Variants in OR56A3 observed in about 807,000 individuals in gnomAD.
OR56A3 encodes the protein olfactory receptor 56A3.
OR56A3 carries 23 observed loss-of-function variants against 17.5 expected under a neutral mutation model. That is an observed-to-expected ratio of 1.32 (90% CI 0.95 to 1.87). The LOEUF (loss-of-function observed/expected upper bound fraction) is 1.87, where lower values mean the gene tolerates loss of function less well. OR56A3 is among the 40% of genes most tolerant of loss of function. The probability of loss-of-function intolerance (pLI) is 0.00; values close to 1 mark genes in which losing one functional copy is unlikely to be tolerated. For synonymous variants in OR56A3, 175 were observed against 150.6 expected (o/e 1.16, Z -1.19); for missense variants, 366 against 380.1 (o/e 0.96, Z 0.31).
the OR56A3 span, chr11:6,001,816 G>T: frequency 1.6e-5 from 7 of 445,222 alleles, no homozygotes; most frequent in Admixed American, 7.9e-5. Flanking sequence ...ATTAGATCAG[G>T]AAAAATTCCA....
intron 1 of OR56A3, among the ~76,000 whole-genome samples, chr11:5,944,518 C>T (rs1008930): frequency 0.29 from 43,497 of 152,036 alleles, 6,232 homozygotes; most frequent in African/African-American, 0.3. Flanking sequence ...ATAACATAAA[C>T]ATGTATGCAT....
At chr11:6,011,204 T>TGTACA in the OR56A3 span, among the ~76,000 whole-genome samples, 1 of 122,524 alleles carries the variant, frequency 8.2e-6, no homozygotes, top group African/African-American at 3.1e-5. Flanking sequence ...GAGATTTATT[T>TGTACA]TATATATATA....
the OR56A3 span, among the ~76,000 whole-genome samples, chr11:5,993,710 C>G: frequency 6.6e-6 from 1 of 151,994 alleles, no homozygotes; most frequent in African/African-American, 2.4e-5. Context: ...TTTTTAGTAG[C>G]CATCTTTAAA....
chr11:5,947,357 A>T lies in OR56A3; in HGVS notation c.11A>T (p.His4Leu). 6.3e-7 allele frequency: 1 copy of T among 1,595,766 alleles called. No homozygotes were observed. Among genetic ancestry groups the T allele is most frequent in the Non-Finnish European group, 8.6e-7 (1 of 1,169,002 alleles). Residue 4 changes from histidine (H) to leucine (L), a missense_variant, in exon 3 of 3, where the codon CAC becomes CTC. Physicochemically the swap from His to Leu is moderately conservative, Grantham distance 99. Transcript: ENST00000641160. MTT[H>L]RNDTLSTEAS... Reference sequence around the variant, plus strand: ...AATATATGGGAAAATATGACAACACACCGAAATGACACCCTCTCCACTGAA... The same window carrying T: ...AATATATGGGAAAATATGACAACACTCCGAAATGACACCCTCTCCACTGAA...
At chr11:5,984,551 G>C in the OR56A3 span, among the ~76,000 whole-genome samples, 1 of 152,188 alleles carries the variant, frequency 6.6e-6, no homozygotes, top group African/African-American at 2.4e-5. Context: ...TGTTACAATA[G>C]ATGTAATACA....
In OR56A3 at chr11:5,948,017, T is replaced by C; in HGVS notation, c.671T>C (p.Phe224Ser). 6.2e-7 allele frequency: 1 copy of C among 1,614,220 alleles called. No homozygotes were observed. Among genetic ancestry groups the C allele is most frequent in the South Asian group, 1.1e-5 (1 of 91,090 alleles). ...ATCCTTATCTTCCTCTCCTACACCTTCATTCTGCGAGCTGTGCTGAGACTC... is the reference window on the plus strand; with the variant it reads ...ATCCTTATCTTCCTCTCCTACACCTCCATTCTGCGAGCTGTGCTGAGACTC... ...DLILIFLSYT[F>S]ILRAVLRLKA... The change falls in exon 3 of 3, where the codon TTC becomes TCC. Residue 224 changes from phenylalanine (F) to serine (S), a missense_variant. Transcript: ENST00000641160.
the OR56A3 span, among the ~76,000 whole-genome samples, chr11:5,971,027 G>A: frequency 2.6e-5 from 4 of 152,210 alleles, no homozygotes; most frequent in Admixed American, 6.5e-5. Context: ...ACGAGGAGAA[G>A]CTCAAGATAA....
the OR56A3 span, chr11:5,968,544 G>A: frequency 4.8e-6 from 6 of 1,255,586 alleles, no homozygotes; most frequent in Non-Finnish European, 5.6e-6. Context: ...TGTTTGATAA[G>A]ACACAGGAAT....
chr11:5,989,955 C>T, the OR56A3 span, among the ~76,000 whole-genome samples: 1 of 152,204 alleles, frequency 6.6e-6, no homozygotes, highest in Non-Finnish European at 1.5e-5. Context: ...TCAATTGGTA[C>T]TTATTCATCT....
the OR56A3 span, chr11:5,993,779 A>G: frequency 4.2e-6 from 1 of 239,214 alleles, no homozygotes; most frequent in South Asian, 5.7e-5. Context: ...GCATATCTAA[A>G]GTATTATCAC....
chr11:5,960,550 C>A, the OR56A3 span, among the ~76,000 whole-genome samples: 3 of 152,240 alleles, frequency 2.0e-5, no homozygotes, highest in African/African-American at 4.8e-5. Context: ...CGGAGTCTCG[C>A]TCACTCAGTG....
chr11:6,005,598 G>A, the OR56A3 span, among the ~76,000 whole-genome samples: 145,816 of 152,280 alleles, frequency 0.96, 70,117 homozygotes, highest in East Asian at 1. Flanking sequence ...AAAACAAAAT[G>A]CCATAAACTG....
the OR56A3 span, chr11:5,986,266 A>G: frequency 1.2e-6 from 2 of 1,613,992 alleles, no homozygotes; most frequent in Middle Eastern, 1.7e-4. Context: ...AATCACAAGC[A>G]AGGCCATAGT....
At chr11:6,007,375 G>C in the OR56A3 span, among the ~76,000 whole-genome samples, 1 of 152,164 alleles carries the variant, frequency 6.6e-6, no homozygotes, top group Admixed American at 6.6e-5. Context: ...AAGTTCTAGA[G>C]ATCTAATGTG....
the OR56A3 span, chr11:5,968,284 G>A: frequency 1.2e-6 from 2 of 1,612,798 alleles, no homozygotes; most frequent in Admixed American, 3.3e-5. Flanking sequence ...ATGTCCAGCA[G>A]GGAGAGGAGG....
chr11:5,942,748 A>G (rs1387320950), intron 1 of OR56A3, among the ~76,000 whole-genome samples: 1 of 152,282 alleles, frequency 6.6e-6, no homozygotes, highest in Non-Finnish European at 1.5e-5. Context: ...ACAGAAAACT[A>G]CGCCCAGAAG....
chr11:5,994,102 C>G, the OR56A3 span: 1 of 490,684 alleles, frequency 2.0e-6, no homozygotes, highest in Admixed American at 2.3e-5. Context: ...CTGGTGCTGC[C>G]TGTCTGCTTA....
the OR56A3 span, among the ~76,000 whole-genome samples, chr11:5,961,761 A>G: frequency 6.6e-6 from 1 of 151,912 alleles, no homozygotes; most frequent in African/African-American, 2.4e-5. Context: ...TTAAAAAAAA[A>G]AAAAAAAAAG....
At chr11:5,997,481 A>T in the OR56A3 span, among the ~76,000 whole-genome samples, 1 of 152,088 alleles carries the variant, frequency 6.6e-6, no homozygotes, top group Non-Finnish European at 1.5e-5. Flanking sequence ...CCACTCTGCC[A>T]CTTCCCTCCC....
Sources: gnomAD v4.1 joint callset for allele counts (sites outside exome capture counted in the v4.1 genomes callset) on GRCh38, gnomAD v4.1.1 for gene constraint, MANE v1.5 for transcripts, NCBI Gene and HGNC (gene_info 2026-07-23, HGNC 2026-07-21) for gene names.